The following SCAPER variants were observed in gnomAD, a reference collection of about 807,000 sequenced individuals.
The protein encoded by SCAPER is S-phase cyclin A associated protein in the ER, also known as S phase cyclin A-associated protein in the endoplasmic reticulum.
SCAPER carries 98 observed loss-of-function variants against 182.2 expected under a neutral mutation model. The ratio of observed to expected loss-of-function variants is 0.54; its 90% CI spans 0.46 to 0.64. The LOEUF (loss-of-function observed/expected upper bound fraction) is 0.64. Among genes scored for constraint, SCAPER ranks in the 30% least tolerant of loss-of-function variants. The probability of loss-of-function intolerance (pLI) is 0.00; values close to 1 mark genes in which losing one functional copy is unlikely to be tolerated. For synonymous variants in SCAPER, 605 were observed against 564.6 expected, an observed-to-expected ratio of 1.07 and a Z score of -1.01; for missense variants, 1,432 against 1,690.0, an observed-to-expected ratio of 0.85 and a Z score of 2.68.
chr15:76,746,436 A>T (rs1026655950), intron 15 of SCAPER, among the ~76,000 whole-genome samples: 3 of 152,274 alleles, frequency 2.0e-5, no homozygotes. Context: ...TTGATGAAAG[A>T]TTAAATACAT....
intron 27 of SCAPER, among the ~76,000 whole-genome samples, chr15:76,400,735 T>C (rs2044399055): frequency 6.6e-6 from 1 of 152,188 alleles, no homozygotes. Flanking sequence ...TCTGTTTTTG[T>C]AGTAAGTCCT....
In SCAPER at chr15:76,722,770, G is replaced by C. The variant is rs185757705; in HGVS notation, c.2165+5825C>G. On this transcript the variant is annotated intron_variant, in intron 17 of 31. Coordinates refer to ENST00000563290, the MANE Select transcript of SCAPER (RefSeq NM_020843.4). ...TTTGTATTTCTGTGGGATCGGTGGT[G>C]ATATCTCCTTTGTCATTTTTTATTA... 3.9e-3 allele frequency among the ~76,000 whole-genome samples: 592 copies of C among 152,218 alleles called. 2 individuals are homozygous for C. The highest frequency in any genetic ancestry group is 5.4e-3 in the Non-Finnish European group (364 of 68,016).
At chr15:76,895,258 TAACAG>T (rs2074370136) in intron 1 of SCAPER, among the ~76,000 whole-genome samples, 1 of 152,116 alleles carries the variant, frequency 6.6e-6, no homozygotes, top group Admixed American at 6.6e-5. Context: ...TACACCACAT[TAACAG>T]AACAAAGAAT....
chr15:76,603,863 C>T (rs1447332736), intron 22 of SCAPER, among the ~76,000 whole-genome samples: 4 of 121,600 alleles, frequency 3.3e-5, no homozygotes, highest in African/African-American at 1.0e-4. Context: ...CCTTTGCCCA[C>T]TTTTTGATGG....
rs1567741259 is a variant in SCAPER at position 76,665,796 on chromosome 15, G to A, written c.2509-7C>T. The stretch of plus-strand genomic sequence containing the variant: ...TCTTCAAGGAAAGATGCTCCTGCAA[G>A]ATAAATAAATAAAATAATAATAATG... On this transcript the variant is annotated splice_polypyrimidine_tract_variant and splice_region_variant and intron_variant, in intron 20 of 31. Transcript: ENST00000563290. The A allele has an allele frequency of 4.7e-6, 7 of 1,495,906 alleles. No homozygotes were observed. The highest frequency in any genetic ancestry group is 5.3e-6 in the Non-Finnish European group (6 of 1,125,362). 92.7% of individuals were successfully genotyped at this position (1,495,906 alleles called of 1,614,324 possible). A position where few individuals can be genotyped will look rare whatever the true frequency, so the allele number is the denominator to read the frequency against.
At chr15:76,673,667 C>G (rs1422031913) in intron 20 of SCAPER, among the ~76,000 whole-genome samples, 1 of 151,968 alleles carries the variant, frequency 6.6e-6, no homozygotes, top group Non-Finnish European at 1.5e-5. Context: ...AATGATCAAC[C>G]CAGTAGCAAT....
chr15:76,450,265 C>A (rs1264340447), intron 25 of SCAPER, among the ~76,000 whole-genome samples: 2 of 152,124 alleles, frequency 1.3e-5, no homozygotes, highest in Non-Finnish European at 2.9e-5. Flanking sequence ...ATAAGGAAAG[C>A]AAATCAATAG....
intron 24 of SCAPER, among the ~76,000 whole-genome samples, chr15:76,491,495 C>T (rs763080216): frequency 1.1e-4 from 17 of 152,154 alleles, no homozygotes; most frequent in Admixed American, 9.8e-4. Flanking sequence ...GGATCATACA[C>T]TAAGTATATG....
chr15:76,472,967 T>C (rs183118937), intron 24 of SCAPER, among the ~76,000 whole-genome samples: 1 of 152,278 alleles, frequency 6.6e-6, no homozygotes, highest in African/African-American at 2.4e-5. Context: ...GACCCTCCAG[T>C]AATTGGTTAC....
chr15:76,380,026 T>C (rs1452612843), intron 28 of SCAPER: 1 of 152,214 alleles, frequency 6.6e-6, no homozygotes, highest in East Asian at 1.9e-4. Flanking sequence ...TGCTATTCCA[T>C]AATCTGTTAA....
chr15:76,353,609 T>C (rs1221046424), intron 30 of SCAPER, among the ~76,000 whole-genome samples: 2 of 152,246 alleles, frequency 1.3e-5, no homozygotes, highest in African/African-American at 4.8e-5. Context: ...CTATTTCCTA[T>C]AGTTAGAATA....
At chr15:76,823,901 T>C (rs1295343558) in intron 5 of SCAPER, among the ~76,000 whole-genome samples, 1 of 151,504 alleles carries the variant, frequency 6.6e-6, no homozygotes, top group Admixed American at 6.6e-5. Context: ...TGATTTCTTT[T>C]TGGAAAAAAA....
At chr15:76,416,688 A>G (rs191386752) in intron 26 of SCAPER, among the ~76,000 whole-genome samples, 1 of 152,194 alleles carries the variant, frequency 6.6e-6, no homozygotes, top group African/African-American at 2.4e-5. Context: ...AACATCTATC[A>G]TAAGAAAATA....
At chr15:76,895,804 T>C (rs1309463870) in intron 1 of SCAPER, among the ~76,000 whole-genome samples, 1 of 150,554 alleles carries the variant, frequency 6.6e-6, no homozygotes, top group African/African-American at 2.4e-5. Flanking sequence ...ACTTTGGGAG[T>C]CCAAGATGGG....
At chr15:76,831,879 G>C (rs1041125094) in intron 5 of SCAPER, among the ~76,000 whole-genome samples, 1 of 152,094 alleles carries the variant, frequency 6.6e-6, no homozygotes, top group Non-Finnish European at 1.5e-5. Flanking sequence ...GCTGTGCTGA[G>C]GCTTGGTGGC....
chr15:76,839,475 C>A (rs939036791), intron 5 of SCAPER, among the ~76,000 whole-genome samples: 6 of 152,158 alleles, frequency 3.9e-5, no homozygotes, highest in Non-Finnish European at 8.8e-5. Flanking sequence ...TTAGTATATA[C>A]CCAGCATGTG....
At chr15:76,443,598 G>A (rs2047775685) in intron 25 of SCAPER, among the ~76,000 whole-genome samples, 1 of 152,196 alleles carries the variant, frequency 6.6e-6, no homozygotes, top group Non-Finnish European at 1.5e-5. Flanking sequence ...TTCATTTTGT[G>A]CTCTAATTGA....
chr15:76,633,184 G>A (rs2053285219), intron 21 of SCAPER, among the ~76,000 whole-genome samples: 2 of 152,108 alleles, frequency 1.3e-5, no homozygotes, highest in African/African-American at 4.8e-5. Flanking sequence ...CTTCTGTAGG[G>A]CTGCTGCCAT....
Position 76,829,211 on chromosome 15 carries a change from C to T in SCAPER, c.393+12523G>A, listed in dbSNP as rs116089684. On this transcript the variant is annotated intron_variant, in intron 5 of 31. Transcript: ENST00000563290. ...AGTGAAGTAACTCAAGAATGGAAAA[C>T]CAAATATTTTATGTTCTTACTTACA... Among the ~76,000 whole-genome samples, 1,231 of 152,042 alleles carry T rather than the reference C, an allele frequency of 8.1e-3. 13 individuals are homozygous for T. Among genetic ancestry groups the T allele is most frequent in the African/African-American group, 0.028 (1,167 of 41,462 alleles).
Sources: gnomAD v4.1 joint callset for allele counts (sites outside exome capture counted in the v4.1 genomes callset) on GRCh38, gnomAD v4.1.1 for gene constraint, MANE v1.5 for transcripts, NCBI Gene and HGNC (gene_info 2026-07-23, HGNC 2026-07-21) for gene names.